CD163L1: variants seen among roughly 807,000 people sequenced by gnomAD.
The protein encoded by CD163L1 is scavenger receptor cysteine-rich type 1 protein M160.
In CD163L1, 124 loss-of-function variants were observed where a neutral mutation model predicts 165.4. The ratio of observed to expected loss-of-function variants is 0.75; its 90% CI spans 0.65 to 0.87. The LOEUF (loss-of-function observed/expected upper bound fraction) is 0.87. Among genes scored for constraint, CD163L1 ranks in the 40% least tolerant of loss-of-function variants. The pLI is 0.00. For missense variants in CD163L1, 1,525 were observed against 1,799.9 expected (o/e 0.85, Z 2.76); for synonymous variants, 585 against 662.2 (o/e 0.88, Z 1.79).
the CD163L1 span, chr12:7,322,410 C>A: frequency 2.5e-6 from 4 of 1,613,484 alleles, no homozygotes; most frequent in Admixed American, 5.0e-5. Flanking sequence ...GCAACTCTGT[C>A]TCTCCAGATA....
chr12:7,333,889 G>A, the CD163L1 span, among the ~76,000 whole-genome samples: 30 of 152,242 alleles, frequency 2.0e-4, no homozygotes, highest in Admixed American at 6.5e-4. Context: ...AGAAAATCTA[G>A]AAGAAATGGA....
Position 7,375,596 on chromosome 12 carries a change from C to T in CD163L1, c.2687-1G>A, listed in dbSNP as rs138525217. 3.1e-5 allele frequency: 50 copies of T among 1,612,068 alleles called. No individual in the cohort carries two copies. Among genetic ancestry groups the T allele is most frequent in the East Asian group, 2.5e-4 (11 of 44,850 alleles). ...TTCACAAGTCGGACATCTGTATATC[C>T]TAGGAGGAGACAAGGCCATAGAAGA... is the stretch of plus-strand genomic sequence containing the variant. On this transcript the variant is annotated splice_acceptor_variant, in intron 10 of 19. Transcript: ENST00000313599. LOFTEE classifies it high-confidence loss of function.
At chr12:7,389,592 A>G (rs1947602415) in intron 8 of CD163L1, among the ~76,000 whole-genome samples, 1 of 152,126 alleles carries the variant, frequency 6.6e-6, no homozygotes, top group East Asian at 1.9e-4. Flanking sequence ...AATACCTACT[A>G]TTGATAGCAC....
chr12:7,357,312 G>T, intron 19 of CD163L1, 68 bp downstream of exon 19: 1 of 967,620 alleles, frequency 1.0e-6, no homozygotes, highest in South Asian at 1.4e-5. Flanking sequence ...TGGAAAAAAT[G>T]TATTTAATTC....
At position 7,368,949 on chromosome 12, in the gene CD163L1, T is replaced by G. The variant is rs372157792; in HGVS notation, c.4056A>C (p.Ser1352=). ...AGACTATACCTGAGGAGGCATTCAG[T>G]GATTTCAGCGACTGTCCTGAGAGAG... ...GVRCSGQSLK[S]LNASSGHLAL... The change falls in exon 16 of 20, where the codon TCA becomes TCC. Residue 1352 remains serine, a synonymous_variant. Transcript: ENST00000313599. The surrounding 1 kb of genome is among the most constrained non-coding windows in gnomAD (Gnocchi z 4.3). The G allele has an allele frequency of 3.7e-6, 6 of 1,613,574 alleles. No individual in the cohort carries two copies. The East Asian group carries it at 1.3e-4, about 36-fold the overall frequency.
Position 7,357,391 on chromosome 12 carries a change from T to C in CD163L1, c.*13A>G, listed in dbSNP as rs760896550. 14 of 1,610,008 alleles carry C rather than the reference T, an allele frequency of 8.7e-6. No individual in the cohort carries two copies. The highest frequency in any genetic ancestry group is 9.3e-6 in the Non-Finnish European group (11 of 1,176,802). ...ACTTCTCAACTTACCTGGTGAGCCCTGGAAGTCTAAAGTCATTTTGTGGCT... is the reference window on the plus strand; with the variant it reads ...ACTTCTCAACTTACCTGGTGAGCCCCGGAAGTCTAAAGTCATTTTGTGGCT... On this transcript the variant is annotated 3_prime_UTR_variant, in exon 19 of 20. Coordinates refer to ENST00000313599, the MANE Select transcript of CD163L1 (RefSeq NM_174941.6).
chr12:7,408,322 A>G (rs1224325548), intron 4 of CD163L1, among the ~76,000 whole-genome samples: 1 of 152,140 alleles, frequency 6.6e-6, no homozygotes, highest in Non-Finnish European at 1.5e-5. Flanking sequence ...TTGTGTAACT[A>G]TTACCACAGT....
At chr12:7,389,960 T>TATATATATA (rs1555197839) in intron 8 of CD163L1, among the ~76,000 whole-genome samples, 33 of 135,936 alleles carry the variant, frequency 2.4e-4, no homozygotes, top group Middle Eastern at 7.5e-3. Context: ...ATATATATAT[T>TATATATATA]TATATATATA....
intron 8 of CD163L1, among the ~76,000 whole-genome samples, chr12:7,391,986 C>T (rs1385614179): frequency 6.8e-6 from 1 of 147,132 alleles, no homozygotes; most frequent in Non-Finnish European, 1.5e-5. Flanking sequence ...GAGACTTTAA[C>T]ACCCCACTGT....
At chr12:7,367,119 G>A (rs762928695) in intron 18 of CD163L1, 117 bp downstream of exon 18, 22 of 478,254 alleles carry the variant, frequency 4.6e-5, no homozygotes, top group Admixed American at 7.0e-5. Flanking sequence ...TCCCTTTCGC[G>A]TATTTTGTAT....
At chr12:7,356,404 T>G (rs1946775062) in intron 19 of CD163L1, among the ~76,000 whole-genome samples, 1 of 152,106 alleles carries the variant, frequency 6.6e-6, no homozygotes, top group South Asian at 2.1e-4. Context: ...AATATATTTT[T>G]GAGAAAAAAC....
At chr12:7,418,699 A>G (rs1277231569) in intron 4 of CD163L1, among the ~76,000 whole-genome samples, 2 of 152,058 alleles carry the variant, frequency 1.3e-5, no homozygotes, top group Non-Finnish European at 2.9e-5. Flanking sequence ...AAGAAATATT[A>G]CAACCAATAT....
In CD163L1 at chr12:7,398,182, G is replaced by A. The variant is rs1022932724; in HGVS notation, c.1729+82C>T. On this transcript the variant is annotated intron_variant, in intron 7 of 19. Coordinates refer to ENST00000313599, the MANE Select transcript of CD163L1 (RefSeq NM_174941.6). The surrounding 1 kb of genome is among the most constrained non-coding windows in gnomAD (Gnocchi z 4.5). ...CCCCTCAATCAATTCCCACATGTAAGCCAGTTTATAGACCCAGAAGCCCTT... is the reference window on the plus strand; with the variant it reads ...CCCCTCAATCAATTCCCACATGTAAACCAGTTTATAGACCCAGAAGCCCTT... 7.8e-7 allele frequency: 1 copy of A among 1,278,588 alleles called. No homozygotes were observed. The highest frequency in any genetic ancestry group is 1.5e-5 in the African/African-American group (1 of 66,920). The allele number at this position is 1,278,588 out of a possible 1,614,324, so 79.2% of individuals were successfully genotyped here. A position where few individuals can be genotyped will look rare whatever the true frequency, so the allele number is the denominator to read the frequency against.
chr12:7,443,986 T>C (rs1948860253), intron 1 of CD163L1, 111 bp downstream of exon 1: 11 of 1,016,484 alleles, frequency 1.1e-5, no homozygotes, highest in African/African-American at 1.7e-5. Context: ...TCTCATGTCC[T>C]GTTTTCTTTT....
At position 7,410,404 on chromosome 12, in the gene CD163L1, G is replaced by A. The variant is rs1423173803; in HGVS notation, c.767-3552C>T. ...GCAGATCAGTTGAGGTCAGGAGTTC[G>A]AGACCAGCTTGGCCAACATGGTGAA... On this transcript the variant is annotated intron_variant, in intron 4 of 19. Transcript: ENST00000313599. Among the ~76,000 whole-genome samples, 2 of 152,060 alleles carry A rather than the reference G, an allele frequency of 1.3e-5. 1 individual carries two copies. Among genetic ancestry groups the A allele is most frequent in the Middle Eastern group, 6.3e-3 (2 of 316 alleles).
Position 7,396,248 on chromosome 12 carries a change from T to C in CD163L1, c.1897A>G (p.Met633Val), listed in dbSNP as rs752603434. 3 of 1,614,158 alleles carry C rather than the reference T, an allele frequency of 1.9e-6. No homozygotes were observed. The highest frequency in any genetic ancestry group is 1.7e-6 in the Non-Finnish European group (2 of 1,180,040). Reference sequence around the variant, plus strand: ...CCTGTAGAAGCGTTTCCCAGACCCATGCCAATGATAGAAGATGGGCAGTCC... The same window carrying C: ...CCTGTAGAAGCGTTTCCCAGACCCACGCCAATGATAGAAGATGGGCAGTCC... ...QLDCPSSIIG[M>V]GLGNASTGYG... The change falls in exon 8 of 20, where the codon ATG becomes GTG. Residue 633 changes from methionine to valine, a missense_variant. By Grantham distance (21) the Met-to-Val change is conservative (BLOSUM62 1). Transcript: ENST00000313599.
the CD163L1 span, among the ~76,000 whole-genome samples, chr12:7,334,482 G>A: frequency 0.03 from 4,582 of 152,204 alleles, 243 homozygotes; most frequent in African/African-American, 0.1. Flanking sequence ...GTACTGATGG[G>A]ATGTATCTCA....
At position 7,406,542 on chromosome 12, in the gene CD163L1, C is replaced by G. The variant is rs748455982; in HGVS notation, c.1077G>C (p.Val359=). The part of the protein sequence containing the change: ...FDCLHQNDVS[V]ICSDGADLEL... ...GGATGTAAGTCTTACCTGAGCAGAT[C>G]ACAGACACATCGTTTTGATGAAGAC... Residue 359 remains valine (V), a synonymous_variant, in exon 5 of 20, where the codon GTG becomes GTC. Transcript: ENST00000313599. The G allele has an allele frequency of 1.2e-6, 2 of 1,613,884 alleles. No individual in the cohort carries two copies. The highest frequency in any genetic ancestry group is 2.7e-5 in the African/African-American group (2 of 74,912).
At chr12:7,392,224 C>T (rs7135875) in intron 8 of CD163L1, among the ~76,000 whole-genome samples, 18,748 of 152,222 alleles carry the variant, frequency 0.12, 1,662 homozygotes, top group African/African-American at 0.24. Context: ...AACAAACAGT[C>T]TCTCAGACCA....
Sources: gnomAD v4.1 joint callset for allele counts (sites outside exome capture counted in the v4.1 genomes callset) on GRCh38, gnomAD v4.1.1 for gene constraint, Gnocchi (gnomAD v3.1) non-coding constraint, MANE v1.5 for transcripts, NCBI Gene and HGNC (gene_info 2026-07-23, HGNC 2026-07-21) for gene names.